Variants in DNAH11 observed in about 807,000 individuals in gnomAD.
DNAH11 encodes the protein axonemal beta dynein heavy chain 11.
A neutral mutation model predicts 526.0 loss-of-function variants in DNAH11; 442 were observed. That is an observed-to-expected ratio of 0.84 (90% CI 0.78 to 0.91). The LOEUF is 0.91. Ranked by LOEUF, DNAH11 falls within the 40% of genes least tolerant of loss-of-function variation. The probability of loss-of-function intolerance (pLI) is 0.00; values close to 1 mark genes in which losing one functional copy is unlikely to be tolerated. For synonymous variants in DNAH11, 2,461 were observed against 1,935.9 expected, an observed-to-expected ratio of 1.27 and a Z score of -7.12; for missense variants, 6,989 against 5,448.7, an observed-to-expected ratio of 1.28 and a Z score of -8.90.
intron 74 of DNAH11, among the ~76,000 whole-genome samples, chr7:21,875,988 A>G (rs1783695241): frequency 7.0e-6 from 1 of 142,606 alleles, no homozygotes; most frequent in South Asian, 2.2e-4. Context: ...GGTTCACGCC[A>G]TTCTCCTGCC....
At chr7:21,893,655 T>C (rs1784406828) in intron 77 of DNAH11, among the ~76,000 whole-genome samples, 1 of 152,188 alleles carries the variant, frequency 6.6e-6, no homozygotes, top group African/African-American at 2.4e-5. Flanking sequence ...TCGGTGGAGC[T>C]GTCTACATAG....
intron 9 of DNAH11, among the ~76,000 whole-genome samples, chr7:21,582,753 C>T (rs928614787): frequency 1.3e-5 from 2 of 151,932 alleles, no homozygotes; most frequent in African/African-American, 4.8e-5. Flanking sequence ...GATAACGTCC[C>T]AAAAGAGGGA....
chr7:21,741,040 A>G (rs932248402), intron 48 of DNAH11, among the ~76,000 whole-genome samples: 1 of 152,100 alleles, frequency 6.6e-6, no homozygotes, highest in African/African-American at 2.4e-5. Context: ...CGTCTATTCA[A>G]GTCTTGTGCT....
In DNAH11 at chr7:21,786,901, T is replaced by C. The variant is rs370876130; in HGVS notation, c.9741+134T>C. ...CATAGTTGCTGAATGTAATCTACTGTATATGTTCTCTAGACTTACAGCTTT... is the reference window on the plus strand; with the variant it reads ...CATAGTTGCTGAATGTAATCTACTGCATATGTTCTCTAGACTTACAGCTTT... On this transcript the variant is annotated intron_variant, in intron 59 of 81. Coordinates refer to ENST00000409508, the MANE Select transcript of DNAH11 (RefSeq NM_001277115.2). 107 of 1,316,266 alleles carry C rather than the reference T, an allele frequency of 8.1e-5. 2 individuals are homozygous for C. The African/African-American group carries it at 1.2e-3, about 15-fold the overall frequency. 81.5% of individuals were successfully genotyped at this position (1,316,266 alleles called of 1,614,324 possible).
intron 76 of DNAH11, among the ~76,000 whole-genome samples, chr7:21,890,320 CAT>C (rs1395227156): frequency 1.3e-5 from 2 of 152,206 alleles, no homozygotes; most frequent in Non-Finnish European, 2.9e-5. Flanking sequence ...GCACTTGTCA[CAT>C]GTCTATAAAG....
intron 61 of DNAH11, among the ~76,000 whole-genome samples, chr7:21,790,724 G>T (rs76286547): frequency 0.12 from 18,809 of 152,078 alleles, 1,695 homozygotes; most frequent in East Asian, 0.28. Flanking sequence ...AAGGAAAAGA[G>T]GGAAGGAGCA....
rs191544708 is a variant in DNAH11 at position 21,621,799 on chromosome 7, G to A, written c.4500+1721G>A. Reference sequence around the variant, plus strand: ...CTTCATGCTAAAACTCAATAAATTAGGTATTGATGGGACGTATCTCAAAAT... The same window carrying A: ...CTTCATGCTAAAACTCAATAAATTAAGTATTGATGGGACGTATCTCAAAAT... On this transcript the variant is annotated intron_variant, in intron 25 of 81. Transcript: ENST00000409508. Among the ~76,000 whole-genome samples, 1,116 of 152,200 alleles carry A rather than the reference G, an allele frequency of 7.3e-3. 11 individuals are homozygous for A. Among genetic ancestry groups the A allele is most frequent in the South Asian group, 0.037 (178 of 4,820 alleles).
chr7:21,751,500 A>G (rs1305474025), intron 54 of DNAH11, among the ~76,000 whole-genome samples: 3 of 152,230 alleles, frequency 2.0e-5, no homozygotes, highest in African/African-American at 7.2e-5. Context: ...CAGGAAGCCA[A>G]TTTAAGAATG....
Position 21,571,816 on chromosome 7 carries a change from C to G in DNAH11, c.1436C>G (p.Ala479Gly). Residue 479 changes from alanine (A) to glycine (G), a missense_variant, in exon 8 of 82, where the codon GCC (alanine) becomes GGC (glycine). By Grantham distance (60) the Ala-to-Gly change is moderately conservative (BLOSUM62 0). Transcript: ENST00000409508. ...DRLIKIEDIF[A>G]TTLEFEKLER... is the part of the protein sequence containing the mutation. ...GTGTTTTTTACAAAGGATATATTTG[C>G]CACCACTTTGGAATTTGAAAAGCTG... 1 of 1,610,950 alleles carries G rather than the reference C, an allele frequency of 6.2e-7. No homozygotes were observed.
intron 63 of DNAH11, among the ~76,000 whole-genome samples, chr7:21,810,399 G>T (rs1789464756): frequency 6.6e-6 from 1 of 152,114 alleles, no homozygotes; most frequent in Non-Finnish European, 1.5e-5. Flanking sequence ...GGAGTATGGA[G>T]ACAAAGATGG....
At chr7:21,695,401 G>C (rs1783806808) in intron 35 of DNAH11, among the ~76,000 whole-genome samples, 2 of 152,156 alleles carry the variant, frequency 1.3e-5, no homozygotes, top group South Asian at 4.1e-4. Context: ...CAGATGTATA[G>C]ACCAATGGAA....
intron 22 of DNAH11, among the ~76,000 whole-genome samples, chr7:21,617,410 A>G (rs984138285): frequency 1.3e-5 from 2 of 152,204 alleles, no homozygotes; most frequent in Non-Finnish European, 2.9e-5. Flanking sequence ...AAAGCAGTGT[A>G]TACAAGTGGC....
At chr7:21,669,293 T>A (rs1373235030) in intron 30 of DNAH11, among the ~76,000 whole-genome samples, 1 of 152,156 alleles carries the variant, frequency 6.6e-6, no homozygotes, top group Non-Finnish European at 1.5e-5. Context: ...TGCCTCAGCC[T>A]CTTTTGTAGC....
At position 21,741,715 on chromosome 7, in the gene DNAH11, A is replaced by G. The variant is rs75714768; in HGVS notation, c.7915-212A>G. 0.013 allele frequency among the ~76,000 whole-genome samples: 2,001 copies of G among 152,264 alleles called. 46 individuals carry two copies. Among genetic ancestry groups the G allele is most frequent in the African/African-American group, 0.046 (1,904 of 41,554 alleles). On this transcript the variant is annotated intron_variant, in intron 48 of 81. Transcript: ENST00000409508. ...GAGGCTTAACAAAGTAAGGAGAAAT[A>G]TACACCTCTGACAACGAGTGGCACA... is the stretch of plus-strand genomic sequence containing the variant.
intron 43 of DNAH11, among the ~76,000 whole-genome samples, chr7:21,718,636 G>GAGAAACAT (rs1335733237): frequency 2.6e-5 from 4 of 152,210 alleles, no homozygotes; most frequent in African/African-American, 9.6e-5. Flanking sequence ...CAGAAATGAA[G>GAGAAACAT]GCTGTGATCT....
chr7:21,739,717 G>A (rs1239456586), intron 48 of DNAH11, 44 bp downstream of exon 48: 2 of 1,462,454 alleles, frequency 1.4e-6, no homozygotes, highest in Admixed American at 1.8e-5. Flanking sequence ...GGTCTGTATT[G>A]TATTGTTTTC....
chr7:21,611,293 G>T (rs542007372), intron 20 of DNAH11, among the ~76,000 whole-genome samples: 23 of 152,280 alleles, frequency 1.5e-4, no homozygotes, highest in African/African-American at 5.3e-4. Context: ...CTCAGCATCT[G>T]GTTCTTAGGA....
At chr7:21,621,601 G>A (rs1362944053) in intron 25 of DNAH11, among the ~76,000 whole-genome samples, 1 of 152,032 alleles carries the variant, frequency 6.6e-6, no homozygotes, top group Non-Finnish European at 1.5e-5. Context: ...GAATCCAGCA[G>A]CACATCAAAA....
chr7:21,615,914 A>G (rs922884820), intron 21 of DNAH11, among the ~76,000 whole-genome samples: 7 of 152,220 alleles, frequency 4.6e-5, no homozygotes, highest in Non-Finnish European at 2.9e-5. Context: ...TTAATAATCT[A>G]CTTATCAATT....
Sources: allele counts gnomAD v4.1 joint callset (sites outside exome capture counted in the v4.1 genomes callset), GRCh38; gene constraint gnomAD v4.1.1; transcripts MANE v1.5; gene names NCBI Gene and HGNC (gene_info 2026-07-23, HGNC 2026-07-21).